Variants in FOXN3 observed in about 807,000 individuals in gnomAD.
FOXN3 encodes forkhead box protein N3.
A neutral mutation model predicts 38.4 loss-of-function variants in FOXN3; 7 were observed. That is an observed-to-expected ratio of 0.18 (90% CI 0.10 to 0.34). The LOEUF is 0.34. FOXN3 is among the 10% of genes least tolerant of loss of function. FOXN3 has a pLI of 1.00. For missense variants in FOXN3, 456 were observed against 613.4 expected, an observed-to-expected ratio of 0.74 and a Z score of 2.71; for synonymous variants, 230 against 242.2, an observed-to-expected ratio of 0.95 and a Z score of 0.47.
At chr14:89,165,440 G>A (rs1462595948) in intron 5 of FOXN3, among the ~76,000 whole-genome samples, 1 of 152,174 alleles carries the variant, frequency 6.6e-6, no homozygotes, top group Non-Finnish European at 1.5e-5. Context: ...TTCACTCTGA[G>A]CAGTCTTGTT....
rs180960621 is a variant in FOXN3, at chr14:89,473,480, G to T, written c.-14-60990C>A. ...CTGTGCTCAACCAAACTTCTGTGTG[G>T]TGCTCGCACCTCAGCCTCGCAAGTA... On this transcript the variant is annotated intron_variant, in intron 1 of 6. Coordinates refer to the FOXN3 transcript ENST00000345097. 3.9e-3 allele frequency among the ~76,000 whole-genome samples: 594 copies of T among 150,416 alleles called. 4 individuals are homozygous for T. The highest frequency in any genetic ancestry group is 0.024 in the South Asian group (116 of 4,738).
chr14:89,345,858 C>T (rs1888744852), intron 3 of FOXN3, among the ~76,000 whole-genome samples: 1 of 152,196 alleles, frequency 6.6e-6, no homozygotes, highest in South Asian at 2.1e-4. Flanking sequence ...TCAAGACCAG[C>T]CTGGCCAAGA....
chr14:89,593,595 A>G (rs1219497689), intron 1 of FOXN3, among the ~76,000 whole-genome samples: 1 of 152,268 alleles, frequency 6.6e-6, no homozygotes, highest in Non-Finnish European at 1.5e-5. Context: ...AAGTCTATGC[A>G]TAATTTTAAA....
At chr14:89,363,966 A>ATATATATATATATATATATATATAT in intron 2 of FOXN3, among the ~76,000 whole-genome samples, 1 of 46,210 alleles carries the variant, frequency 2.2e-5, no homozygotes, top group Non-Finnish European at 4.3e-5. Context: ...ATATATATAT[A>ATATATATATATATATATATATATAT]TATATATATA....
intron 4 of FOXN3, among the ~76,000 whole-genome samples, chr14:89,209,994 T>C (rs1888479609): frequency 6.6e-6 from 1 of 152,250 alleles, no homozygotes; most frequent in Admixed American, 6.5e-5. Flanking sequence ...ATGTACTTAC[T>C]TGGCTGAGAA....
chr14:89,489,894 A>G (rs1296462761), intron 1 of FOXN3, among the ~76,000 whole-genome samples: 1 of 152,212 alleles, frequency 6.6e-6, no homozygotes, highest in East Asian at 1.9e-4. Context: ...ATCTTTCTTG[A>G]GACAGCTTGC....
intron 1 of FOXN3, among the ~76,000 whole-genome samples, chr14:89,425,336 T>A (rs553365562): frequency 2.2e-4 from 34 of 152,092 alleles, no homozygotes; most frequent in Non-Finnish European, 4.6e-4. Context: ...CCCAAAGTGC[T>A]GGGATTACAG....
intron 3 of FOXN3, among the ~76,000 whole-genome samples, chr14:89,310,027 C>G (rs924112576): frequency 1.3e-5 from 2 of 152,200 alleles, no homozygotes; most frequent in Admixed American, 1.3e-4. Flanking sequence ...GGGGTGGGGA[C>G]AGTGACCAAT....
At chr14:89,222,118 C>T (rs1394738577) in intron 4 of FOXN3, among the ~76,000 whole-genome samples, 9 of 152,164 alleles carry the variant, frequency 5.9e-5, no homozygotes, top group Non-Finnish European at 2.9e-5. Flanking sequence ...GCCCGGCCTA[C>T]ACAATCTTTT....
chr14:89,592,928 GT>G (rs989263218), intron 1 of FOXN3, among the ~76,000 whole-genome samples: 2 of 151,266 alleles, frequency 1.3e-5, no homozygotes, highest in African/African-American at 4.8e-5. Flanking sequence ...TATTTGCCAA[GT>G]TTGAGCAACA....
chr14:89,584,214 A>G (rs1392042228), intron 1 of FOXN3, among the ~76,000 whole-genome samples: 1 of 151,492 alleles, frequency 6.6e-6, no homozygotes, highest in African/African-American at 2.4e-5. Flanking sequence ...CCTGGCCAAC[A>G]TGGTGAAACC....
At chr14:89,314,573 G>T (rs1313761066) in intron 3 of FOXN3, among the ~76,000 whole-genome samples, 1 of 152,134 alleles carries the variant, frequency 6.6e-6, no homozygotes, top group Non-Finnish European at 1.5e-5. Flanking sequence ...TCCTCTTCCA[G>T]ATTTTCTTGA....
chr14:89,515,545 G>A (rs1331491308), intron 1 of FOXN3, among the ~76,000 whole-genome samples: 1 of 151,900 alleles, frequency 6.6e-6, no homozygotes, highest in Non-Finnish European at 1.5e-5. Flanking sequence ...GGCCAACCAT[G>A]GCCAACATGG....
chr14:89,511,161 C>CT (rs796767587), intron 1 of FOXN3, among the ~76,000 whole-genome samples: 3 of 22,294 alleles, frequency 1.3e-4, no homozygotes, highest in African/African-American at 2.2e-4. Context: ...TTCTTTCTTT[C>CT]TTTCTTTCTT....
At chr14:89,304,856 A>G (rs1374712671) in intron 3 of FOXN3, among the ~76,000 whole-genome samples, 2 of 151,844 alleles carry the variant, frequency 1.3e-5, no homozygotes, top group Non-Finnish European at 2.9e-5. Context: ...CCTGACCCAT[A>G]ATAGACAACG....
In FOXN3 at chr14:89,435,450, G is replaced by C. The variant is rs1266707467; in HGVS notation, c.-14-22960C>G. ...CTTCACCCAAGCTGTATACATGAGAGACAGAGAAGAAGCATACTCCCTTAA... is the reference window on the plus strand; with the variant it reads ...CTTCACCCAAGCTGTATACATGAGACACAGAGAAGAAGCATACTCCCTTAA... On this transcript the variant is annotated intron_variant, in intron 1 of 6. Transcript: ENST00000345097. Among the ~76,000 whole-genome samples, 3 of 151,210 alleles carry C rather than the reference G, an allele frequency of 2.0e-5. No individual in the cohort carries two copies. In the East Asian group the frequency reaches 5.8e-4, roughly 29 times the overall value.
chr14:89,176,245 A>G (rs1362914822), intron 5 of FOXN3, among the ~76,000 whole-genome samples: 1 of 152,260 alleles, frequency 6.6e-6, no homozygotes, highest in African/African-American at 2.4e-5. Context: ...TTATATGCAA[A>G]GGAACCTGGC....
At chr14:89,587,015 G>A (rs1895855246) in intron 1 of FOXN3, among the ~76,000 whole-genome samples, 1 of 152,236 alleles carries the variant, frequency 6.6e-6, no homozygotes. Context: ...CTCTTTTAAA[G>A]AACTGGCTTG....
chr14:89,526,741 A>G (rs1894439962), intron 1 of FOXN3, among the ~76,000 whole-genome samples: 1 of 152,184 alleles, frequency 6.6e-6, no homozygotes, highest in African/African-American at 2.4e-5. Flanking sequence ...AGCAGGTGCC[A>G]AGCTGACTGA....
Sources: gnomAD v4.1 joint callset for allele counts (sites outside exome capture counted in the v4.1 genomes callset) on GRCh38, gnomAD v4.1.1 for gene constraint, MANE v1.5 for transcripts, NCBI Gene and HGNC (gene_info 2026-07-23, HGNC 2026-07-21) for gene names.